Variants in UBR3 observed in about 807,000 individuals in gnomAD.
The protein encoded by UBR3 is ubiquitin protein ligase E3 component n-recognin 3.
UBR3 carries 85 observed loss-of-function variants against 243.2 expected under a neutral mutation model. The ratio of observed to expected loss-of-function variants is 0.35; its 90% CI spans 0.29 to 0.42. UBR3 has a LOEUF of 0.42. UBR3 is among the 10% of genes least tolerant of loss of function. UBR3 has a pLI of 1.00. For synonymous variants in UBR3, 748 were observed against 799.8 expected, an observed-to-expected ratio of 0.94 and a Z score of 1.09; for missense variants, 1,686 against 2,300.8, an observed-to-expected ratio of 0.73 and a Z score of 5.47.
At position 170,055,639 on chromosome 2, in the gene UBR3, G is replaced by A. The variant is rs2091316177; in HGVS notation, c.4785+55G>A. On this transcript the variant is annotated intron_variant, in intron 33 of 38. Coordinates refer to ENST00000272793, the MANE Select transcript of UBR3 (RefSeq NM_172070.4). The stretch of plus-strand genomic sequence containing the variant: ...CAGGTAGGTGAAGTCATTTAAGCTG[G>A]GGATATTGAGTGAATAAGAGTAGGT... The A allele has an allele frequency of 1.9e-6, 3 of 1,597,136 alleles. No individual in the cohort carries two copies. In the Admixed American group the frequency reaches 5.1e-5, roughly 27 times the overall value.
chr2:169,905,132 A>T lies in UBR3; in HGVS notation c.1484A>T (p.His495Leu). 1 of 1,486,214 alleles carries T rather than the reference A, an allele frequency of 6.7e-7. No individual in the cohort carries two copies. Among genetic ancestry groups the T allele is most frequent in the Non-Finnish European group, 8.9e-7 (1 of 1,119,140 alleles). The allele number at this position is 1,486,214 out of a possible 1,614,324, so 92.1% of individuals were successfully genotyped here. Reference sequence around the variant, plus strand: ...TTTTTAGATGAAGAAAATAGTTTACATGTGGTAGTGAACTGTGGAGAAGCA... The same window carrying T: ...TTTTTAGATGAAGAAAATAGTTTACTTGTGGTAGTGAACTGTGGAGAAGCA... ...SELQDEENSL[H>L]VVVNCGEALL... The change falls in exon 9 of 39, where the codon CAT becomes CTT. Residue 495 changes from histidine to leucine, a missense_variant. By Grantham distance (99) the His-to-Leu change is moderately conservative (BLOSUM62 -3). Around this residue, in one of 8 missense-constraint regions of UBR3, gnomAD observed 346 missense variants for 585.8 expected, o/e 0.59. Transcript: ENST00000272793.
At chr2:170,078,995 T>G (rs1046580024) in intron 36 of UBR3, among the ~76,000 whole-genome samples, 1 of 152,192 alleles carries the variant, frequency 6.6e-6, no homozygotes, top group African/African-American at 2.4e-5. Flanking sequence ...GCTTAGTTAC[T>G]CCACTGATTT....
At chr2:170,007,301 T>G in intron 28 of UBR3, 111 bp downstream of exon 28, 1 of 1,207,426 alleles carries the variant, frequency 8.3e-7, no homozygotes, top group Non-Finnish European at 1.1e-6. Context: ...TTAGTAGAAA[T>G]TGCTTTTAGA....
chr2:170,019,837 A>G lies in UBR3; in HGVS notation c.4453+4471A>G, dbSNP rs559904107. ...TGTCACTCAGCTGGAGTGCAGTGGCACAATCATAGTTCACTGCAGCCTCGA... is the reference window on the plus strand; with the variant it reads ...TGTCACTCAGCTGGAGTGCAGTGGCGCAATCATAGTTCACTGCAGCCTCGA... On this transcript the variant is annotated intron_variant, in intron 30 of 38. Transcript: ENST00000272793. 1.9e-3 allele frequency among the ~76,000 whole-genome samples: 293 copies of G among 152,238 alleles called. 4 individuals are homozygous for G. Among genetic ancestry groups the G allele is most frequent in the Non-Finnish European group, 3.2e-3 (215 of 67,998 alleles).
chr2:169,963,676 T>C (rs896640806), intron 24 of UBR3, among the ~76,000 whole-genome samples: 10 of 152,262 alleles, frequency 6.6e-5, no homozygotes, highest in African/African-American at 2.4e-4. Flanking sequence ...TAATAAAAAA[T>C]AAGAACTAAT....
intron 28 of UBR3, among the ~76,000 whole-genome samples, chr2:170,008,561 A>G (rs534126247): frequency 1.3e-5 from 2 of 152,224 alleles, no homozygotes; most frequent in Admixed American, 6.5e-5. Context: ...TATGTGGTTA[A>G]TTCATAGTTG....
intron 10 of UBR3, among the ~76,000 whole-genome samples, chr2:169,908,230 G>C: frequency 6.6e-6 from 1 of 152,192 alleles, no homozygotes; most frequent in East Asian, 1.9e-4. Context: ...AAATATGTAT[G>C]CATAAGCCCC....
intron 5 of UBR3, among the ~76,000 whole-genome samples, chr2:169,881,670 T>TTA (rs371247984): frequency 0.13 from 17,458 of 133,090 alleles, 1,409 homozygotes; most frequent in African/African-American, 0.18. Flanking sequence ...CAGTGATACT[T>TTA]TATATATATA....
chr2:169,861,415 C>T (rs2083085258), intron 1 of UBR3, among the ~76,000 whole-genome samples: 1 of 152,132 alleles, frequency 6.6e-6, no homozygotes, highest in Non-Finnish European at 1.5e-5. Flanking sequence ...TGAGACCAGC[C>T]TGGCCAACAT....
chr2:170,046,680 T>G (rs2091096480), intron 32 of UBR3, among the ~76,000 whole-genome samples: 1 of 152,380 alleles, frequency 6.6e-6, no homozygotes, highest in Non-Finnish European at 1.5e-5. Flanking sequence ...CCTTAATTAT[T>G]TCATTTCTTA....
chr2:169,872,266 T>C lies in UBR3; in HGVS notation c.576T>C (p.Ser192=). 6.5e-7 allele frequency: 1 copy of C among 1,531,166 alleles called. No homozygotes were observed. The highest frequency in any genetic ancestry group is 8.8e-7 in the Non-Finnish European group (1 of 1,139,048). 94.8% of individuals were successfully genotyped at this position (1,531,166 alleles called of 1,614,324 possible). A position where few individuals can be genotyped will look rare whatever the true frequency, so the allele number is the denominator to read the frequency against. The change falls in exon 2 of 39, where the codon AGT becomes AGC. Residue 192 remains serine (S), a synonymous_variant. Coordinates refer to ENST00000272793, the MANE Select transcript of UBR3 (RefSeq NM_172070.4). ...GFCKRHQIKS[S]SNIPCVPKDL... ...GCAAAAGGCATCAAATTAAATCAAG[T>C]TCAAATATTCCCTGTGTCCCTAAAG...
intron 32 of UBR3, 63 bp downstream of exon 32, chr2:170,041,048 A>G: frequency 6.9e-7 from 1 of 1,450,622 alleles, no homozygotes; most frequent in Non-Finnish European, 9.5e-7. Flanking sequence ...TCTAGAGATT[A>G]TAGAGACAAA....
intron 13 of UBR3, 124 bp from the exon 14 acceptor site, chr2:169,925,495 C>G: frequency 4.7e-6 from 4 of 859,422 alleles, no homozygotes; most frequent in Non-Finnish European, 6.6e-6. Flanking sequence ...TTATCTTTAA[C>G]ATTGGACAGA....
intron 1 of UBR3, among the ~76,000 whole-genome samples, chr2:169,866,721 A>G (rs544294409): frequency 6.6e-6 from 1 of 152,328 alleles, no homozygotes; most frequent in South Asian, 2.1e-4. Flanking sequence ...CTTAAGGTGT[A>G]ATGCTTCCTA....
At position 169,998,352 on chromosome 2, in the gene UBR3, A is replaced by G. The variant is rs558839502; in HGVS notation, c.3919-2952A>G. Among the ~76,000 whole-genome samples, 22 of 152,342 alleles carry G rather than the reference A, an allele frequency of 1.4e-4. 2 individuals carry two copies. In the South Asian group the frequency reaches 3.7e-3, roughly 26 times the overall value. On this transcript the variant is annotated intron_variant, in intron 26 of 38. Coordinates refer to ENST00000272793, the MANE Select transcript of UBR3 (RefSeq NM_172070.4). The stretch of plus-strand genomic sequence containing the variant: ...TTCTAGAAAAAAAATCTTTTTTATA[A>G]AAAGTCTCCGAGCTGAAATCTGAGT...
At chr2:170,041,996 A>G (rs200686499) in intron 32 of UBR3, among the ~76,000 whole-genome samples, 6,124 of 152,318 alleles carry the variant, frequency 0.04, 181 homozygotes, top group East Asian at 0.11. Context: ...TTTAAAGTAT[A>G]CAACTGAAGT....
At chr2:169,962,019 A>G (rs573020761) in intron 24 of UBR3, among the ~76,000 whole-genome samples, 36 of 151,816 alleles carry the variant, frequency 2.4e-4, no homozygotes, top group African/African-American at 7.2e-4. Flanking sequence ...ATTGTTTCTC[A>G]TATTAGGTAA....
chr2:169,876,356 A>G, intron 3 of UBR3, among the ~76,000 whole-genome samples: 1 of 152,198 alleles, frequency 6.6e-6, no homozygotes, highest in African/African-American at 2.4e-5. Context: ...CTGGGATTAC[A>G]GGCGTGAGCC....
chr2:170,067,914 G>T (rs1045743694), intron 35 of UBR3, among the ~76,000 whole-genome samples: 8 of 151,674 alleles, frequency 5.3e-5, no homozygotes, highest in African/African-American at 1.9e-4. Flanking sequence ...GATTACAGGT[G>T]CCCAACACCA....
Sources: gnomAD v4.1 joint callset for allele counts (sites outside exome capture counted in the v4.1 genomes callset) on GRCh38, gnomAD v4.1.1 for gene constraint, gnomAD v4.1.1 regional missense constraint, MANE v1.5 for transcripts, NCBI Gene and HGNC (gene_info 2026-07-23, HGNC 2026-07-21) for gene names.